The following BET1 variants were observed in gnomAD, a reference collection of about 807,000 sequenced individuals.
BET1 encodes the protein BET1 homolog.
BET1 carries 9 observed loss-of-function variants against 13.9 expected under a neutral mutation model. The ratio of observed to expected loss-of-function variants is 0.65; its 90% confidence interval spans 0.39 to 1.13. The LOEUF is 1.13. BET1 is among the 50% of genes most tolerant of loss of function. The pLI is 0.01. For synonymous variants in BET1, 39 were observed against 47.3 expected, an observed-to-expected ratio of 0.82 and a Z score of 0.72; for missense variants, 127 against 133.6, an observed-to-expected ratio of 0.95 and a Z score of 0.24.
chr7:94,002,458 TA>T (rs79526205), intron 1 of BET1, among the ~76,000 whole-genome samples: 10,265 of 127,990 alleles, frequency 0.08, 525 homozygotes, highest in African/African-American at 0.19. Flanking sequence ...AGCTTTTTTT[TA>T]AAAAAAAAAA....
At chr7:93,995,380 A>T (rs1332015578) in intron 3 of BET1, among the ~76,000 whole-genome samples, 1 of 152,194 alleles carries the variant, frequency 6.6e-6, no homozygotes, top group Non-Finnish European at 1.5e-5. Context: ...CTGAGATGTA[A>T]AAGCCCTGGC....
intron 4 of BET1, among the ~76,000 whole-genome samples, chr7:93,986,767 T>C (rs1469058784): frequency 6.6e-6 from 1 of 152,208 alleles, no homozygotes; most frequent in East Asian, 1.9e-4. Flanking sequence ...AGTGATGTTG[T>C]AGCCATTGTA....
downstream of BET1, among the ~76,000 whole-genome samples, chr7:93,988,461 G>A (rs554818830): frequency 1.3e-5 from 2 of 152,076 alleles, no homozygotes; most frequent in East Asian, 3.8e-4. Flanking sequence ...AACCTCTCTA[G>A]GGAAGTACTA....
At chr7:94,003,194 CAATTT>C (rs1795949975) in intron 1 of BET1, among the ~76,000 whole-genome samples, 1 of 149,294 alleles carries the variant, frequency 6.7e-6, no homozygotes, top group African/African-American at 2.5e-5. Context: ...TTTTTCTCTT[CAATTT>C]ACCTGGCCCC....
chr7:93,999,427 GAA>G, intron 1 of BET1, 133 bp from the exon 2 acceptor site: 1 of 1,140,396 alleles, frequency 8.8e-7, no homozygotes, highest in Non-Finnish European at 1.2e-6. Flanking sequence ...TACTCCAAAT[GAA>G]TTTAAAAAAT....
At position 93,995,663 on chromosome 7, in the gene BET1, C is replaced by A. The variant is rs1384258172; in HGVS notation, c.201+602G>T. On this transcript the variant is annotated intron_variant, in intron 3 of 3. Coordinates refer to ENST00000222547, the MANE Select transcript of BET1 (RefSeq NM_005868.6). ...GCGCACAAGCTTAGCAAGAACATTG[C>A]TTTTGATGCCAAATTCATTTTTGAA... Among the ~76,000 whole-genome samples the A allele has an allele frequency of 2.0e-5, 3 of 152,262 alleles. No homozygotes were observed. The South Asian group carries it at 6.2e-4, about 32-fold the overall frequency.
intron 6 of BET1, among the ~76,000 whole-genome samples, chr7:93,967,852 A>G (rs758308697): frequency 9.2e-5 from 14 of 151,746 alleles, no homozygotes; most frequent in Non-Finnish European, 1.9e-4. Context: ...TGAAAACCCA[A>G]AGTAACAATG....
chr7:93,999,622 T>G (rs1196503519), intron 1 of BET1: 1 of 460,124 alleles, frequency 2.2e-6, no homozygotes, highest in East Asian at 6.7e-5. Context: ...AAACATATAT[T>G]TTAATGAAAG....
At chr7:93,971,045 G>T (rs1214384643) in intron 6 of BET1, among the ~76,000 whole-genome samples, 1 of 151,702 alleles carries the variant, frequency 6.6e-6, no homozygotes, top group African/African-American at 2.4e-5. Flanking sequence ...TGTAATTTAT[G>T]TTATTATGTT....
At chr7:93,988,679 A>G (rs1238782162), downstream of BET1, among the ~76,000 whole-genome samples, 4 of 152,084 alleles carry the variant, frequency 2.6e-5, no homozygotes, top group Non-Finnish European at 4.4e-5. Context: ...TAAAAAGCAA[A>G]TAAGTTAACA....
At chr7:93,996,130 T>G in intron 3 of BET1, 135 bp downstream of exon 3, 1 of 680,488 alleles carries the variant, frequency 1.5e-6, no homozygotes, top group South Asian at 2.0e-5. Flanking sequence ...TTATAGTTAT[T>G]CCAAACACAT....
In BET1 at chr7:93,966,419, C is replaced by T. The variant is rs1045372562; in HGVS notation, c.*138-732G>A. On this transcript the variant is annotated intron_variant and NMD_transcript_variant, in intron 6 of 6. Transcript: ENST00000357520. ...GAACAATATTTAAATAGAATTAAAA[C>T]CTGGTATGTATATATTGCTTCTATC... is the stretch of plus-strand genomic sequence containing the variant. Among the ~76,000 whole-genome samples, 8 of 151,892 alleles carry T rather than the reference C, an allele frequency of 5.3e-5. No individual in the cohort carries two copies. The South Asian group carries it at 1.7e-3, about 32-fold the overall frequency.
chr7:93,969,771 T>C (rs1795230123), intron 6 of BET1: 1 of 151,846 alleles, frequency 6.6e-6, no homozygotes. Context: ...TTCATATGTT[T>C]AATTTTTAGT....
At chr7:93,975,604 G>A (rs1323089368) in intron 5 of BET1, among the ~76,000 whole-genome samples, 1 of 152,060 alleles carries the variant, frequency 6.6e-6, no homozygotes, top group Non-Finnish European at 1.5e-5. Flanking sequence ...ATTAGAAAGT[G>A]TCTGTAAGCT....
In BET1 at chr7:94,002,475, G is replaced by A. The variant is rs73715588; in HGVS notation, c.19+1723C>T. On this transcript the variant is annotated intron_variant, in intron 1 of 3. Transcript: ENST00000222547. Reference sequence around the variant, plus strand: ...CTTTTTTTTAAAAAAAAAAAAAAAAGAAAGAAAAAAAAAGGAAAAAAGGAG... The same window carrying A: ...CTTTTTTTTAAAAAAAAAAAAAAAAAAAAGAAAAAAAAAGGAAAAAAGGAG... Among the ~76,000 whole-genome samples, 899 of 108,804 alleles carry A rather than the reference G, an allele frequency of 8.3e-3. 14 individuals are homozygous for A. Among genetic ancestry groups the A allele is most frequent in the African/African-American group, 0.05 (821 of 16,516 alleles). 71.4% of individuals were successfully genotyped at this position (108,804 alleles called of 152,430 possible).
chr7:93,991,994 G>A (rs1452509439), downstream of BET1: 2 of 985,344 alleles, frequency 2.0e-6, no homozygotes, highest in Non-Finnish European at 2.4e-6. Context: ...AGGGTTCTCT[G>A]CTCCAGAATT....
At chr7:93,976,135 A>C in intron 4 of BET1, 1 of 1,143,166 alleles carries the variant, frequency 8.7e-7, no homozygotes, top group Non-Finnish European at 1.1e-6. Context: ...GTTTCTAAAT[A>C]ATTTGAAAAA....
At chr7:93,987,140 G>T (rs1795543455) in intron 4 of BET1, 1 of 150,902 alleles carries the variant, frequency 6.6e-6, no homozygotes, top group South Asian at 2.1e-4. Context: ...TTTTAATCTA[G>T]GCTTTCAGGA....
chr7:93,983,056 T>A (rs1795455676), intron 4 of BET1, among the ~76,000 whole-genome samples: 1 of 152,086 alleles, frequency 6.6e-6, no homozygotes, highest in Non-Finnish European at 1.5e-5. Context: ...TGCCAAAAAA[T>A]CAGTACCAGA....
Sources: gnomAD v4.1 joint callset for allele counts (sites outside exome capture counted in the v4.1 genomes callset) on GRCh38, gnomAD v4.1.1 for gene constraint, MANE v1.5 for transcripts, NCBI Gene and HGNC (gene_info 2026-07-23, HGNC 2026-07-21) for gene names.